Variants in ALX4 observed in about 807,000 individuals in gnomAD.
ALX4 encodes the protein homeobox protein aristaless-like 4.
ALX4 carries 22 observed loss-of-function variants against 40.6 expected under a neutral mutation model. That is an observed-to-expected ratio of 0.54 (90% CI 0.39 to 0.77). The LOEUF is 0.77. Among genes scored for constraint, ALX4 ranks in the 30% least tolerant of loss-of-function variants. The pLI, the probability that ALX4 is intolerant of heterozygous loss-of-function variation, is 0.00. For synonymous variants in ALX4, 266 were observed against 240.5 expected (o/e 1.11, Z -0.98); for missense variants, 556 against 564.8 (o/e 0.98, Z 0.16).
intron 1 of ALX4, among the ~76,000 whole-genome samples, chr11:44,296,923 C>T (rs1269799924): frequency 6.7e-6 from 1 of 149,232 alleles, no homozygotes; most frequent in Non-Finnish European, 1.5e-5. Flanking sequence ...GCAAGAGAAT[C>T]GCTTGAACCC....
At chr11:44,286,744 A>T (rs1452990126) in intron 1 of ALX4, among the ~76,000 whole-genome samples, 4 of 152,032 alleles carry the variant, frequency 2.6e-5, no homozygotes, top group Non-Finnish European at 5.9e-5. Context: ...GTATTTTCAC[A>T]TTCCTGCCTC....
At position 44,270,966 on chromosome 11, in the gene ALX4, G is replaced by A. The variant is rs144241194; in HGVS notation, c.778-3344C>T. ...ATTGGAATCCCAGACAGCAGAGAGAGGCCCCTGCAGCCCCCTGGAGCAGGG... is the reference window on the plus strand; with the variant it reads ...ATTGGAATCCCAGACAGCAGAGAGAAGCCCCTGCAGCCCCCTGGAGCAGGG... On this transcript the variant is annotated intron_variant, in intron 2 of 3. Coordinates refer to ENST00000652299, the MANE Select transcript of ALX4 (RefSeq NM_021926.4). Among the ~76,000 whole-genome samples the A allele has an allele frequency of 9.2e-4, 140 of 152,316 alleles. 2 individuals are homozygous for A. The East Asian group carries it at 0.026, about 28-fold the overall frequency.
rs1450916767 is a variant in ALX4 at position 44,309,839 on chromosome 11, G to A, written c.224C>T (p.Thr75Ile). 3 of 1,555,838 alleles carry A rather than the reference G, an allele frequency of 1.9e-6. No homozygotes were observed. The highest frequency in any genetic ancestry group is 2.6e-6 in the Non-Finnish European group (3 of 1,149,438). ...CGCCCCAGCTCCACTCTCCAGGGGTGTCGCCAGGTCCTGCTGCCCAGCGCC... is the reference window on the plus strand; with the variant it reads ...CGCCCCAGCTCCACTCTCCAGGGGTATCGCCAGGTCCTGCTGCCCAGCGCC... Reference protein sequence around the residue: ...RYGAGQQDLATPLESGAGARG... With the variant: ...RYGAGQQDLAIPLESGAGARG... The change falls in exon 1 of 4, where the codon ACA becomes ATA. Residue 75 changes from threonine to isoleucine, a missense_variant. Coordinates refer to ENST00000652299, the MANE Select transcript of ALX4 (RefSeq NM_021926.4).
At chr11:44,265,735 G>C (rs1956210033) in intron 3 of ALX4, among the ~76,000 whole-genome samples, 1 of 152,106 alleles carries the variant, frequency 6.6e-6, no homozygotes, top group South Asian at 2.1e-4. Flanking sequence ...GAGGTTCCAG[G>C]GCCTGAACTA....
chr11:44,288,351 G>C (rs188319676), intron 1 of ALX4, among the ~76,000 whole-genome samples: 1 of 152,212 alleles, frequency 6.6e-6, no homozygotes, highest in Non-Finnish European at 1.5e-5. Flanking sequence ...AGCATAAAAG[G>C]CATCTGGGAA....
chr11:44,297,995 T>G (rs1022190636), intron 1 of ALX4, among the ~76,000 whole-genome samples: 9 of 152,212 alleles, frequency 5.9e-5, no homozygotes. Context: ...GGGATTCCCA[T>G]GGCATGTAGC....
At chr11:44,268,934 A>T (rs1027688344) in intron 2 of ALX4, among the ~76,000 whole-genome samples, 2 of 152,260 alleles carry the variant, frequency 1.3e-5, no homozygotes, top group African/African-American at 4.8e-5. Flanking sequence ...CTGCAGAGCC[A>T]TAAGGAGCCT....
chr11:44,289,983 G>A lies in ALX4; in HGVS notation c.467-14325C>T, dbSNP rs183757896. Among the ~76,000 whole-genome samples, 17 of 152,292 alleles carry A rather than the reference G, an allele frequency of 1.1e-4. No individual in the cohort carries two copies. In the East Asian group the frequency reaches 3.3e-3, roughly 29 times the overall value. On this transcript the variant is annotated intron_variant, in intron 1 of 3. Coordinates refer to ENST00000652299, the MANE Select transcript of ALX4 (RefSeq NM_021926.4). ...AGGGTTCAGAGACCCCACTGGACCA[G>A]ACCCTCCCTTCACAGCCAAGATGCG...
intron 1 of ALX4, among the ~76,000 whole-genome samples, chr11:44,293,156 GAAGGAAGGAAGGAAGCAGGC>G (rs1565007477): frequency 7.4e-5 from 5 of 67,862 alleles, no homozygotes; most frequent in African/African-American, 3.3e-4. Flanking sequence ...AGGAAGGAAG[GAAGGAAGGAAGGAAGCAGGC>G]AGGCAGGGAG....
chr11:44,300,878 A>G (rs1236565648), intron 1 of ALX4, among the ~76,000 whole-genome samples: 2 of 152,204 alleles, frequency 1.3e-5, no homozygotes, highest in Non-Finnish European at 2.9e-5. Flanking sequence ...ACTTCCCCCA[A>G]CTTTCCTGCA....
At chr11:44,306,945 A>G (rs1484526495) in intron 1 of ALX4, among the ~76,000 whole-genome samples, 1 of 152,184 alleles carries the variant, frequency 6.6e-6, no homozygotes, top group African/African-American at 2.4e-5. Context: ...GAGGGAAAGA[A>G]CAAACACTGA....
At chr11:44,284,059 A>C (rs979420022) in intron 1 of ALX4, among the ~76,000 whole-genome samples, 7 of 152,202 alleles carry the variant, frequency 4.6e-5, no homozygotes, top group African/African-American at 1.7e-4. Context: ...AAGAAAGGAT[A>C]GCGTTTTAAC....
Position 44,264,693 on chromosome 11 carries a change from G to T in ALX4, c.*161C>A. The T allele has an allele frequency of 1.3e-6, 1 of 781,392 alleles. No homozygotes were observed. The highest frequency in any genetic ancestry group is 2.0e-6 in the Non-Finnish European group (1 of 497,416). 48.4% of individuals were successfully genotyped at this position (781,392 alleles called of 1,614,324 possible). A position where few individuals can be genotyped will look rare whatever the true frequency, so the allele number is the denominator to read the frequency against. On this transcript the variant is annotated 3_prime_UTR_variant, in exon 4 of 4. Coordinates refer to ENST00000652299, the MANE Select transcript of ALX4 (RefSeq NM_021926.4). The stretch of plus-strand genomic sequence containing the variant: ...GCCTGCTGCCCCCTCCCTCCCAGCA[G>T]TCCACGGGGCCTCAGACTTGGGGCG...
chr11:44,264,921 G>A lies in ALX4; in HGVS notation c.1169C>T (p.Thr390Ile), dbSNP rs1274633399. 2.5e-6 allele frequency: 4 copies of A among 1,613,132 alleles called. No individual in the cohort carries two copies. In the South Asian group the frequency reaches 3.3e-5, roughly 13 times the overall value. Residue 390 changes from threonine (T) to isoleucine (I), a missense_variant, in exon 4 of 4, where the codon ACC becomes ATC. Coordinates refer to ENST00000652299, the MANE Select transcript of ALX4 (RefSeq NM_021926.4). ...CATGCGGAGGGCCGCGATGCTCGAG[G>A]TCTTGCGGTCCGGCTCGCCGTTGAG... Reference protein sequence around the residue: ...YELNGEPDRKTSSIAALRMKA... With the variant: ...YELNGEPDRKISSIAALRMKA...
intron 1 of ALX4, among the ~76,000 whole-genome samples, chr11:44,276,595 G>T (rs958915501): frequency 2.6e-5 from 4 of 152,226 alleles, no homozygotes; most frequent in African/African-American, 9.6e-5. Context: ...ACACAGCCTG[G>T]TGAGCTTCCT....
intron 1 of ALX4, among the ~76,000 whole-genome samples, chr11:44,308,494 T>G (rs1956482622): frequency 6.6e-6 from 1 of 152,234 alleles, no homozygotes; most frequent in African/African-American, 2.4e-5. Flanking sequence ...TGCTCAGGAC[T>G]CCTGGCCCAG....
intron 2 of ALX4, among the ~76,000 whole-genome samples, chr11:44,271,485 A>G (rs889183143): frequency 2.0e-5 from 3 of 152,162 alleles, no homozygotes; most frequent in Non-Finnish European, 4.4e-5. Context: ...CCACTAGGTG[A>G]TAAGATATGC....
Position 44,264,797 on chromosome 11 carries a change from GA to G in ALX4, c.*56del. ...AGTCGAGTGGGAGGCTGGGGGCCTG[GA>G]AAACATGGGCGTGGCCCATGGTGTC... On this transcript the variant is annotated 3_prime_UTR_variant, in exon 4 of 4. Transcript: ENST00000652299. 6.3e-7 allele frequency: 1 copy of G among 1,591,712 alleles called. No individual in the cohort carries two copies. Among genetic ancestry groups the G allele is most frequent in the Non-Finnish European group, 8.6e-7 (1 of 1,167,214 alleles).
intron 1 of ALX4, among the ~76,000 whole-genome samples, chr11:44,299,554 G>T (rs1956423512): frequency 6.6e-6 from 1 of 151,972 alleles, no homozygotes; most frequent in South Asian, 2.1e-4. Context: ...TAGAGACAGG[G>T]TTTCACCGTG....
Sources: gnomAD v4.1 joint callset for allele counts (sites outside exome capture counted in the v4.1 genomes callset) on GRCh38, gnomAD v4.1.1 for gene constraint, MANE v1.5 for transcripts, NCBI Gene and HGNC (gene_info 2026-07-23, HGNC 2026-07-21) for gene names.